The following PRKCH variants were observed in gnomAD, a reference collection of about 807,000 sequenced individuals.
PRKCH encodes protein kinase C eta, also known as protein kinase C eta type.
A neutral mutation model predicts 82.5 loss-of-function variants in PRKCH; 28 were observed. The ratio of observed to expected loss-of-function variants is 0.34; its 90% CI spans 0.25 to 0.47. The LOEUF is 0.47. PRKCH is among the 20% of genes least tolerant of loss of function. The pLI, the probability that PRKCH is intolerant of heterozygous loss-of-function variation, is 1.00. For synonymous variants in PRKCH, 322 were observed against 327.4 expected, an observed-to-expected ratio of 0.98 and a Z score of 0.18; for missense variants, 705 against 881.8, an observed-to-expected ratio of 0.80 and a Z score of 2.54.
chr14:61,266,640 A>G (rs1449072576), intron 1 of PRKCH, among the ~76,000 whole-genome samples: 1 of 152,168 alleles, frequency 6.6e-6, no homozygotes, highest in East Asian at 1.9e-4. Context: ...TCTTGAGCAA[A>G]GACAGATGGA....
chr14:61,518,013 C>T (rs2139987262), intron 10 of PRKCH, among the ~76,000 whole-genome samples: 1 of 152,300 alleles, frequency 6.6e-6, no homozygotes, highest in Non-Finnish European at 1.5e-5. Flanking sequence ...AAAGCCGACC[C>T]AGTGGTTTCT....
intron 10 of PRKCH, among the ~76,000 whole-genome samples, chr14:61,526,091 A>G (rs773359106): frequency 6.6e-6 from 1 of 151,978 alleles, no homozygotes; most frequent in East Asian, 1.9e-4. Flanking sequence ...GATCATCCTC[A>G]CCCCTGCTCC....
intron 10 of PRKCH, among the ~76,000 whole-genome samples, chr14:61,504,377 A>T (rs1368286667): frequency 6.6e-6 from 1 of 152,012 alleles, no homozygotes; most frequent in African/African-American, 2.4e-5. Flanking sequence ...TTTAGTAGAG[A>T]TGGGGTCTCA....
At chr14:61,528,552 A>G (rs976895845) in intron 10 of PRKCH, among the ~76,000 whole-genome samples, 1 of 152,118 alleles carries the variant, frequency 6.6e-6, no homozygotes, top group Non-Finnish European at 1.5e-5. Flanking sequence ...GCATAAACAC[A>G]ATCCCCGCCG....
intron 9 of PRKCH, among the ~76,000 whole-genome samples, chr14:61,467,173 C>T (rs1271765351): frequency 1.3e-5 from 2 of 152,236 alleles, no homozygotes; most frequent in Non-Finnish European, 2.9e-5. Flanking sequence ...AGGCAGGGAA[C>T]TGCACTGTGA....
chr14:61,310,127 A>C (rs10150891), intron 1 of PRKCH, among the ~76,000 whole-genome samples: 113,063 of 152,016 alleles, frequency 0.74, 43,267 homozygotes, highest in Non-Finnish European at 0.83. Context: ...GAGCCAAACC[A>C]TATCATTCCA....
chr14:61,321,763 C>G lies in PRKCH; in HGVS notation c.-339C>G, dbSNP rs542997588. 6.2e-4 allele frequency: 123 copies of G among 198,826 alleles called. No homozygotes were observed. The highest frequency in any genetic ancestry group is 9.3e-4 in the Admixed American group (17 of 18,356). 12.3% of individuals were successfully genotyped at this position (198,826 alleles called of 1,614,324 possible). ...GGGCTCACCGGACGGGTAGGTCCGG[C>G]TCTCCAGGGAGAGGAGCTGCCCGGC... On this transcript the variant is annotated 5_prime_UTR_variant, in exon 1 of 14. Transcript: ENST00000332981. This position sits in a 1 kb window ranked among gnomAD's most constrained non-coding sequence, Gnocchi z 4.1.
chr14:61,548,591 G>A (rs1594805264), intron 13 of PRKCH, among the ~76,000 whole-genome samples: 2 of 152,144 alleles, frequency 1.3e-5, no homozygotes, highest in African/African-American at 4.8e-5. Flanking sequence ...CTGGCGTGGT[G>A]GCTCATGCCT....
At chr14:61,442,013 A>T (rs570297101) in intron 2 of PRKCH, among the ~76,000 whole-genome samples, 1 of 152,032 alleles carries the variant, frequency 6.6e-6, no homozygotes, top group Admixed American at 6.5e-5. Flanking sequence ...TTATTGTTCT[A>T]TAATTTCCTT....
intron 1 of PRKCH, among the ~76,000 whole-genome samples, chr14:61,342,995 T>C (rs2045947039): frequency 6.6e-6 from 1 of 152,240 alleles, no homozygotes; most frequent in Admixed American, 6.5e-5. Flanking sequence ...TTCTGTCTCT[T>C]TCAGTTTCTC....
At chr14:61,426,111 C>A (rs1883094604) in intron 2 of PRKCH, among the ~76,000 whole-genome samples, 1 of 152,206 alleles carries the variant, frequency 6.6e-6, no homozygotes, top group Non-Finnish European at 1.5e-5. Context: ...AGTGTGAGAA[C>A]AGACTAATAC....
chr14:61,298,470 C>T (rs763379587), intron 1 of PRKCH: 1 of 152,136 alleles, frequency 6.6e-6, no homozygotes, highest in Non-Finnish European at 1.5e-5. Flanking sequence ...AGGGGAAGAG[C>T]CAGGATTTGG....
At chr14:61,315,592 T>C (rs946910) in intron 1 of PRKCH, among the ~76,000 whole-genome samples, 87,162 of 151,916 alleles carry the variant, frequency 0.57, 27,714 homozygotes, top group Non-Finnish European at 0.7. Flanking sequence ...TATTTTATCT[T>C]CAGAGTCCTT....
intron 1 of PRKCH, among the ~76,000 whole-genome samples, chr14:61,213,166 A>G (rs971748525): frequency 9.9e-5 from 15 of 152,050 alleles, no homozygotes; most frequent in African/African-American, 2.4e-5. Context: ...TTAAGTTGTT[A>G]CGAATTTTGG....
At chr14:61,379,765 C>A (rs1325810931) in intron 1 of PRKCH, among the ~76,000 whole-genome samples, 1 of 152,204 alleles carries the variant, frequency 6.6e-6, no homozygotes, top group East Asian at 1.9e-4. Flanking sequence ...GTATATTCCC[C>A]ATCTCCAGCC....
At chr14:61,460,777 GCT>G (rs1011590892) in intron 9 of PRKCH, among the ~76,000 whole-genome samples, 4 of 152,180 alleles carry the variant, frequency 2.6e-5, no homozygotes, top group African/African-American at 9.7e-5. Context: ...ATCATGGCAT[GCT>G]CTCTGTCATT....
chr14:61,316,512 G>C (rs1375206061), intron 1 of PRKCH, among the ~76,000 whole-genome samples: 3 of 152,170 alleles, frequency 2.0e-5, no homozygotes, highest in Admixed American at 6.5e-5. Context: ...CTATAATACA[G>C]ATATATCTAT....
At chr14:61,338,147 G>A (rs1412067728) in intron 1 of PRKCH, among the ~76,000 whole-genome samples, 1 of 152,124 alleles carries the variant, frequency 6.6e-6, no homozygotes, top group African/African-American at 2.4e-5. Context: ...TTTCAGCCCT[G>A]AAGTACTGCC....
intron 1 of PRKCH, among the ~76,000 whole-genome samples, chr14:61,331,707 G>C (rs557242388): frequency 5.3e-5 from 8 of 152,124 alleles, no homozygotes; most frequent in African/African-American, 1.7e-4. Context: ...TGCACTAAAC[G>C]GTCTCCAAAG....
Sources: gnomAD v4.1 joint callset for allele counts (sites outside exome capture counted in the v4.1 genomes callset) on GRCh38, gnomAD v4.1.1 for gene constraint, Gnocchi (gnomAD v3.1) non-coding constraint, MANE v1.5 for transcripts, NCBI Gene and HGNC (gene_info 2026-07-23, HGNC 2026-07-21) for gene names.